The following ENTR1 variants were observed in gnomAD, a reference collection of about 807,000 sequenced individuals.
The protein encoded by ENTR1 is endosome-associated-trafficking regulator 1.
Under a neutral mutation model 47.9 loss-of-function variants are expected in ENTR1, and 47 were observed. The ratio of observed to expected loss-of-function variants is 0.98; its 90% CI spans 0.78 to 1.25. The LOEUF is 1.25. Ranked by LOEUF, ENTR1 falls within the 50% of genes most tolerant of loss-of-function variation. The pLI, the probability that ENTR1 is intolerant of heterozygous loss-of-function variation, is 0.00. For synonymous variants in ENTR1, 290 were observed against 245.8 expected, an observed-to-expected ratio of 1.18 and a Z score of -1.68; for missense variants, 668 against 570.5, an observed-to-expected ratio of 1.17 and a Z score of -1.74.
chr9:136,404,154 C>T lies in ENTR1; in HGVS notation c.1109G>A (p.Arg370Gln), dbSNP rs766971266. ...SNFQRENEALRCGQGASLTVV... is the reference protein window; with the variant it reads ...SNFQRENEALQCGQGASLTVV... ...GGTCAGGCTGGCACCCTGGCCGCAC[C>T]GCAGGGCTTCATTCTCTCGCTGGAA... The change falls in exon 9 of 10, where the codon CGG becomes CAG. Residue 370 changes from arginine to glutamine, a missense_variant. Transcript: ENST00000357365. The T allele has an allele frequency of 2.2e-5, 35 of 1,612,708 alleles. No individual in the cohort carries two copies. The highest frequency in any genetic ancestry group is 4.0e-5 in the African/African-American group (3 of 74,916).
chr9:136,405,234 C>T, intron 6 of ENTR1, 32 bp from the exon 7 acceptor site: 1 of 1,542,400 alleles, frequency 6.5e-7, no homozygotes, highest in Non-Finnish European at 9.0e-7. Flanking sequence ...TTGTTAATTT[C>T]TGTGGCTACT....
chr9:136,404,428 C>A (rs527641849), intron 8 of ENTR1, among the ~76,000 whole-genome samples: 2 of 152,312 alleles, frequency 1.3e-5, no homozygotes, highest in South Asian at 2.1e-4. Flanking sequence ...ATGCCCCGTG[C>A]CAGACCCCAA....
chr9:136,404,704 A>G lies in ENTR1; in HGVS notation c.1006-11T>C. 1 of 1,613,860 alleles carries G rather than the reference A, an allele frequency of 6.2e-7. No homozygotes were observed. Among genetic ancestry groups the G allele is most frequent in the Non-Finnish European group, 8.5e-7 (1 of 1,179,886 alleles). ...CTTTACAGCCCGTTTCTGTTACCCA[A>G]AAAAGAAAAACCACAAAAAGCATCA... On this transcript the variant is annotated splice_polypyrimidine_tract_variant and intron_variant, in intron 7 of 9. Coordinates refer to ENST00000357365, the MANE Select transcript of ENTR1 (RefSeq NM_001039707.2).
In ENTR1 at chr9:136,407,589, T is replaced by C. The variant is rs561539140; in HGVS notation, c.403-28A>G. 42 of 1,500,984 alleles carry C rather than the reference T, an allele frequency of 2.8e-5. No homozygotes were observed. The East Asian group carries it at 5.8e-4, about 21-fold the overall frequency. 93.0% of individuals were successfully genotyped at this position (1,500,984 alleles called of 1,614,324 possible). ...AAAAAAAAAAAAAAAAAAAAAACAATGGAGGCCATGCTTCTGACTCGGAGC... is the reference window on the plus strand; with the variant it reads ...AAAAAAAAAAAAAAAAAAAAAACAACGGAGGCCATGCTTCTGACTCGGAGC... On this transcript the variant is annotated intron_variant, in intron 4 of 9. Transcript: ENST00000357365.
At chr9:136,409,717 G>A (rs929561772) in intron 2 of ENTR1, among the ~76,000 whole-genome samples, 1 of 151,898 alleles carries the variant, frequency 6.6e-6, no homozygotes, top group East Asian at 1.9e-4. Context: ...CTTCTGCTTG[G>A]GTAGAACGAG....
intron 3 of ENTR1, among the ~76,000 whole-genome samples, chr9:136,408,697 C>T (rs561742270): frequency 2.0e-5 from 3 of 152,296 alleles, no homozygotes; most frequent in South Asian, 2.1e-4. Context: ...TTTCCCTTCT[C>T]CCTCTTGCCA....
intron 5 of ENTR1, among the ~76,000 whole-genome samples, chr9:136,406,513 G>A (rs1039272386): frequency 2.0e-5 from 3 of 151,828 alleles, no homozygotes; most frequent in Admixed American, 1.3e-4. Flanking sequence ...AGTTTCGCCC[G>A]TCGCCTAGGC....
intron 7 of ENTR1, 21 bp from the exon 8 acceptor site, chr9:136,404,714 A>G (rs770414201): frequency 1.9e-6 from 3 of 1,613,442 alleles, no homozygotes; most frequent in Non-Finnish European, 1.7e-6. Context: ...AAAAAGAAAA[A>G]CCACAAAAAG....
intron 2 of ENTR1, chr9:136,409,746 A>G: frequency 2.5e-6 from 1 of 402,076 alleles, no homozygotes; most frequent in Non-Finnish European, 4.8e-6. Context: ...AGATCTGGCC[A>G]CTGCCCGGCT....
In ENTR1 at chr9:136,405,071, T is replaced by C; in HGVS notation, c.1005+20A>G. 1 of 1,597,774 alleles carries C rather than the reference T, an allele frequency of 6.3e-7. No individual in the cohort carries two copies. Among genetic ancestry groups the C allele is most frequent in the Non-Finnish European group, 8.6e-7 (1 of 1,166,234 alleles). On this transcript the variant is annotated intron_variant, in intron 7 of 9. Coordinates refer to ENST00000357365, the MANE Select transcript of ENTR1 (RefSeq NM_001039707.2). Reference sequence around the variant, plus strand: ...CTCCTGCCCCACCCAGCTCGTCCGATTCAGAGAAGAAACCCATACGGTCAT... The same window carrying C: ...CTCCTGCCCCACCCAGCTCGTCCGACTCAGAGAAGAAACCCATACGGTCAT...
chr9:136,406,004 G>A (rs764587037), intron 5 of ENTR1, 26 bp from the exon 6 acceptor site: 1 of 1,572,974 alleles, frequency 6.4e-7, no homozygotes, highest in South Asian at 1.2e-5. Flanking sequence ...ATCCTTATTA[G>A]AAAGTCAGCA....
At position 136,407,454 on chromosome 9, in the gene ENTR1, A is replaced by G. The variant is rs2131560876; in HGVS notation, c.510T>C (p.Ala170=). The G allele has an allele frequency of 6.2e-7, 1 of 1,610,914 alleles. No individual in the cohort carries two copies. The highest frequency in any genetic ancestry group is 1.3e-5 in the African/African-American group (1 of 74,820). Residue 170 remains alanine (A), a synonymous_variant, in exon 5 of 10, where the codon GCT becomes GCC. Coordinates refer to ENST00000357365, the MANE Select transcript of ENTR1 (RefSeq NM_001039707.2). ...CCTCCTCCTCATCCAGGAGGTCACC[A>G]GCCCCTGTCGGATCCTCGAAAAATG... ...QQPFFEDPTG[A]GDLLDEEEDE...
In ENTR1 at chr9:136,410,479, G is replaced by GCGTCGCCCGCCCC. The variant is rs1185685667; in HGVS notation, c.-95_-83dup. On this transcript the variant is annotated 5_prime_UTR_variant, in exon 1 of 10. Coordinates refer to ENST00000357365, the MANE Select transcript of ENTR1 (RefSeq NM_001039707.2). Reference sequence around the variant, plus strand: ...CCCGGCTCCGCCCGTGCCGCGGCCCGCGTCGCCCGCCCCCGTCGCCCGCCC... The same window carrying GCGTCGCCCGCCCC: ...CCCGGCTCCGCCCGTGCCGCGGCCCGCGTCGCCCGCCCCCGTCGCCCGCCCCCGTCGCCCGCCC... The GCGTCGCCCGCCCC allele has an allele frequency of 1.6e-3, 1,576 of 976,104 alleles. 7 individuals are homozygous for GCGTCGCCCGCCCC. Among genetic ancestry groups the GCGTCGCCCGCCCC allele is most frequent in the African/African-American group, 8.5e-3 (480 of 56,748 alleles). 60.5% of individuals were successfully genotyped at this position (976,104 alleles called of 1,614,324 possible).
At position 136,407,566 on chromosome 9, in the gene ENTR1, A is replaced by C. The variant is rs748528134; in HGVS notation, c.403-5T>G. 10 of 391,812 alleles carry C rather than the reference A, an allele frequency of 2.6e-5. No individual in the cohort carries two copies. The highest frequency in any genetic ancestry group is 2.9e-5 in the Non-Finnish European group (8 of 279,282). The allele number at this position is 391,812 out of a possible 1,614,324, so 24.3% of individuals were successfully genotyped here. A position where few individuals can be genotyped will look rare whatever the true frequency, so the allele number is the denominator to read the frequency against. On this transcript the variant is annotated splice_region_variant and splice_polypyrimidine_tract_variant and intron_variant, in intron 4 of 9. Transcript: ENST00000357365. ...CAGGGAATGCCTCGAGGCTTCCTAA[A>C]AAAAAAAAAAAAAAAAAAACAATGG...
rs575470320 is a variant in ENTR1, at chr9:136,407,261, T to C, written c.703A>G (p.Thr235Ala). The C allele has an allele frequency of 6.4e-4, 1,026 of 1,613,008 alleles. 22 individuals carry two copies. The South Asian group carries it at 0.011, about 17-fold the overall frequency. Residue 235 changes from threonine to alanine, a missense_variant, in exon 5 of 10, where the codon ACT becomes GCT. Thr to Ala is a moderately conservative substitution (Grantham distance 58, BLOSUM62 0). Transcript: ENST00000357365. ...ESLPSWALSD[T>A]DSRVSPASPA... ...GAGGCCGGAGACACGCGAGAATCAG[T>C]GTCACTCAACGCCCACGAGGGCAGA...
At chr9:136,405,828 CTTCA>C (rs1388712553) in intron 6 of ENTR1, 73 bp downstream of exon 6, 17 of 871,580 alleles carry the variant, frequency 2.0e-5, no homozygotes, top group South Asian at 1.5e-4. Flanking sequence ...ACTCTGATTA[CTTCA>C]TTATCATTTA....
Position 136,410,392 on chromosome 9 carries a change from C to G in ENTR1, c.6G>C (p.Ser2=), listed in dbSNP as rs1835045735. The G allele has an allele frequency of 1.4e-6, 2 of 1,389,984 alleles. No homozygotes were observed. Among genetic ancestry groups the G allele is most frequent in the Admixed American group, 3.7e-5 (1 of 27,088 alleles). 86.1% of individuals were successfully genotyped at this position (1,389,984 alleles called of 1,614,324 possible). ...TGGCGCCCGGGCGGCGCTGGTAGCC[C>G]GACATCGCCGCCGGCCCGGCGGGGC... The part of the protein sequence containing the change: M[S]GYQRRPGATP... Residue 2 remains serine, a synonymous_variant, in exon 1 of 10, where the codon TCG becomes TCC. Coordinates refer to ENST00000357365, the MANE Select transcript of ENTR1 (RefSeq NM_001039707.2).
chr9:136,408,699 C>T (rs1308001700), intron 3 of ENTR1, among the ~76,000 whole-genome samples: 1 of 152,174 alleles, frequency 6.6e-6, no homozygotes, highest in Non-Finnish European at 1.5e-5. Flanking sequence ...TCCCTTCTCC[C>T]TCTTGCCACC....
intron 3 of ENTR1, 87 bp from the exon 4 acceptor site, chr9:136,408,025 G>A: frequency 2.4e-6 from 2 of 839,864 alleles, no homozygotes; most frequent in South Asian, 2.8e-5. Flanking sequence ...TCCAGAGCAT[G>A]GCCACATGTG....
Sources: allele counts gnomAD v4.1 joint callset (sites outside exome capture counted in the v4.1 genomes callset), GRCh38; gene constraint gnomAD v4.1.1; transcripts MANE v1.5; gene names NCBI Gene and HGNC (gene_info 2026-07-23, HGNC 2026-07-21).